Variants in CREB3L3 observed in about 807,000 individuals in gnomAD.
CREB3L3 encodes cAMP responsive element binding protein 3 like 3.
Under a neutral mutation model 44.6 loss-of-function variants are expected in CREB3L3, and 40 were observed. The ratio of observed to expected loss-of-function variants is 0.90; its 90% CI spans 0.70 to 1.17. The LOEUF is 1.17. Among genes scored for constraint, CREB3L3 ranks in the 50% most tolerant of loss-of-function variants. The pLI is 0.00. For missense variants in CREB3L3, 578 were observed against 595.8 expected (o/e 0.97, Z 0.31); for synonymous variants, 273 against 256.3 (o/e 1.06, Z -0.62).
rs370340962 is a variant in CREB3L3, at chr19:4,157,267, A to G, written c.429A>G (p.Val143=). The change falls in exon 3 of 10, where the codon GTA becomes GTG. Residue 143 remains valine (V), a synonymous_variant. Transcript: ENST00000078445. The part of the protein sequence containing the change: ...STTTPGPVIQ[V]PEASVTIDLE... ...CAACCCCAGGGCCAGTGATCCAAGT[A>G]CCTGAAGCCTCTGTGACCATAGACC... 36 of 1,613,944 alleles carry G rather than the reference A, an allele frequency of 2.2e-5. No individual in the cohort carries two copies. The highest frequency in any genetic ancestry group is 2.1e-4 in the African/African-American group (16 of 74,888).
intron 2 of CREB3L3, among the ~76,000 whole-genome samples, chr19:4,155,946 A>G (rs59503543): frequency 0.12 from 17,387 of 150,400 alleles, 1,097 homozygotes; most frequent in Middle Eastern, 0.15. Context: ...ATGGGGTTTC[A>G]CCATGTTGGC....
chr19:4,157,158 C>G lies in CREB3L3; in HGVS notation c.320C>G (p.Ala107Gly). 1 of 1,614,030 alleles carries G rather than the reference C, an allele frequency of 6.2e-7. No individual in the cohort carries two copies. Among genetic ancestry groups the G allele is most frequent in the Non-Finnish European group, 8.5e-7 (1 of 1,179,988 alleles). Residue 107 changes from alanine (A) to glycine (G), a missense_variant, in exon 3 of 10, where the codon GCC becomes GGC. Transcript: ENST00000078445. ...PQDTPPRSGPATSPAGCHPAQ... is the reference protein window; with the variant it reads ...PQDTPPRSGPGTSPAGCHPAQ... ...GACACCCCTCCACGCAGCGGACCAG[C>G]CACCTCCCCCGCCGGCTGCCATCCT...
At chr19:4,156,034 C>A (rs2041568071) in intron 2 of CREB3L3, among the ~76,000 whole-genome samples, 1 of 151,602 alleles carries the variant, frequency 6.6e-6, no homozygotes, top group East Asian at 1.9e-4. Flanking sequence ...TAGGCGTGAG[C>A]CACCACACCC....
rs150887508 is a variant in CREB3L3 at position 4,157,179 on chromosome 19, A to T, written c.341A>T (p.His114Leu). 1.2e-6 allele frequency: 2 copies of T among 1,613,716 alleles called. No individual in the cohort carries two copies. The highest frequency in any genetic ancestry group is 2.7e-5 in the African/African-American group (2 of 74,854). ...CCAGCCACCTCCCCCGCCGGCTGCC[A>T]TCCTGCCCAGCCTGGCAAGGGGCCC... ...SGPATSPAGC[H>L]PAQPGKGPCL... Residue 114 changes from histidine to leucine, a missense_variant, in exon 3 of 10, where the codon CAT becomes CTT. Physicochemically the swap from His to Leu is moderately conservative, Grantham distance 99. Coordinates refer to ENST00000078445, the MANE Select transcript of CREB3L3 (RefSeq NM_032607.3).
intron 1 of CREB3L3, among the ~76,000 whole-genome samples, chr19:4,154,428 G>A (rs1041574606): frequency 6.6e-6 from 1 of 151,944 alleles, no homozygotes; most frequent in Non-Finnish European, 1.5e-5. Context: ...GGAGTGCAGT[G>A]GGGTGGCCAT....
At chr19:4,158,753 A>G (rs2041620796) in intron 3 of CREB3L3, among the ~76,000 whole-genome samples, 1 of 148,700 alleles carries the variant, frequency 6.7e-6, no homozygotes, top group Admixed American at 6.8e-5. Context: ...GTGAGCCAAG[A>G]TTGCCACACT....
At chr19:4,167,973 T>TTTAATTTA (rs1555704042) in intron 5 of CREB3L3, among the ~76,000 whole-genome samples, 2 of 144,848 alleles carry the variant, frequency 1.4e-5, no homozygotes, top group Non-Finnish European at 3.0e-5. Flanking sequence ...ATTTTAATTA[T>TTTAATTTA]TTTATTTATT....
chr19:4,159,834 G>A (rs781251864), intron 4 of CREB3L3, 52 bp downstream of exon 4: 20 of 839,494 alleles, frequency 2.4e-5, no homozygotes, highest in Admixed American at 2.4e-4. Context: ...AGGGCTGCTC[G>A]GGTTCGAGGA....
At chr19:4,167,593 A>G (rs961503189) in intron 5 of CREB3L3, among the ~76,000 whole-genome samples, 6 of 152,072 alleles carry the variant, frequency 3.9e-5, no homozygotes, top group Admixed American at 2.6e-4. Context: ...AAAGAAACGT[A>G]AGAAAGAAGA....
chr19:4,158,275 A>G (rs1484951336), intron 3 of CREB3L3, among the ~76,000 whole-genome samples: 1 of 151,860 alleles, frequency 6.6e-6, no homozygotes, highest in Non-Finnish European at 1.5e-5. Flanking sequence ...AGGCAGGCGG[A>G]TCACTTGAGG....
Position 4,168,441 on chromosome 19 carries a change from G to A in CREB3L3, c.805G>A (p.Asp269Asn), listed in dbSNP as rs994318348. ...CAGGAAGAAGAAGAAGGAATATATCGATGGCCTGGAGACTCGGTGGGTAGT... is the reference window on the plus strand; with the variant it reads ...CAGGAAGAAGAAGAAGGAATATATCAATGGCCTGGAGACTCGGTGGGTAGT... ...ESRKKKKEYI[D>N]GLETRMSACT... Residue 269 changes from aspartate (D) to asparagine (N), a missense_variant, in exon 6 of 10, where the codon GAT (aspartate) becomes AAT (asparagine). Physicochemically the swap from Asp to Asn is conservative, Grantham distance 23 (BLOSUM62 1). Transcript: ENST00000078445. The A allele has an allele frequency of 2.5e-6, 4 of 1,608,440 alleles. No individual in the cohort carries two copies. The highest frequency in any genetic ancestry group is 2.2e-5 in the South Asian group (2 of 90,904).
At chr19:4,163,805 T>G (rs1476421369) in intron 4 of CREB3L3, among the ~76,000 whole-genome samples, 6 of 144,302 alleles carry the variant, frequency 4.2e-5, no homozygotes, top group African/African-American at 7.7e-5. Context: ...GAGCCACCTT[T>G]TCTTTTTTTT....
At chr19:4,158,503 A>C (rs970707336) in intron 3 of CREB3L3, among the ~76,000 whole-genome samples, 2 of 150,818 alleles carry the variant, frequency 1.3e-5, no homozygotes, top group Non-Finnish European at 2.9e-5. Context: ...TCTCGAAAAA[A>C]AGCCAAAAAC....
rs765086446 is a variant in CREB3L3, at chr19:4,170,259, C to T, written c.890+51C>T. ...AGGACAGGGGAAGCAGCCCCAGAGT[C>T]CCTTTGCAGGAAGAGCAGAGAGCCC... On this transcript the variant is annotated intron_variant, in intron 7 of 9. Transcript: ENST00000078445. 60 of 1,565,244 alleles carry T rather than the reference C, an allele frequency of 3.8e-5. 1 individual carries two copies. The Admixed American group carries it at 8.0e-4, about 21-fold the overall frequency.
At chr19:4,163,351 A>AGAAAGAAGGAAG (rs535753131) in intron 4 of CREB3L3, among the ~76,000 whole-genome samples, 2 of 117,184 alleles carry the variant, frequency 1.7e-5, no homozygotes, top group African/African-American at 6.5e-5. Flanking sequence ...AAAGAAAGAA[A>AGAAAGAAGGAAG]GAAGGAAGGA....
chr19:4,167,207 G>T (rs1966924543), intron 5 of CREB3L3, among the ~76,000 whole-genome samples: 1 of 152,014 alleles, frequency 6.6e-6, no homozygotes, highest in East Asian at 1.9e-4. Context: ...GCCAGGCATG[G>T]TGTTGTGCAC....
At chr19:4,160,449 G>A (rs950126654) in intron 4 of CREB3L3, among the ~76,000 whole-genome samples, 2 of 151,496 alleles carry the variant, frequency 1.3e-5, no homozygotes, top group African/African-American at 2.4e-5. Context: ...CTAGCTCACT[G>A]CAGCCTCAAA....
intron 5 of CREB3L3, 94 bp downstream of exon 5, chr19:4,164,734 A>C (rs998403886): frequency 5.6e-6 from 8 of 1,416,906 alleles, no homozygotes; most frequent in Non-Finnish European, 6.8e-6. Context: ...TTTAGAGTAG[A>C]GTCTTTCTCT....
chr19:4,157,406 G>C, intron 3 of CREB3L3, 111 bp downstream of exon 3: 3 of 1,209,460 alleles, frequency 2.5e-6, no homozygotes, highest in Non-Finnish European at 2.4e-6. Context: ...AGGTCACACA[G>C]CAATTTGGAG....
Sources: allele counts gnomAD v4.1 joint callset (sites outside exome capture counted in the v4.1 genomes callset), GRCh38; gene constraint gnomAD v4.1.1; transcripts MANE v1.5; gene names NCBI Gene and HGNC (gene_info 2026-07-23, HGNC 2026-07-21).